PSMA3: variants seen among roughly 807,000 people sequenced by gnomAD.
PSMA3 encodes proteasome 20S subunit alpha 3.
Under a neutral mutation model 40.0 loss-of-function variants are expected in PSMA3, and 8 were observed. The ratio of observed to expected loss-of-function variants is 0.20; its 90% CI spans 0.12 to 0.36. The LOEUF (loss-of-function observed/expected upper bound fraction) is 0.36, where lower values mean the gene tolerates loss of function less well. Among genes scored for constraint, PSMA3 ranks in the 10% least tolerant of loss-of-function variants. PSMA3 has a pLI of 1.00. For missense variants in PSMA3, 219 were observed against 310.6 expected, an observed-to-expected ratio of 0.70 and a Z score of 2.22; for synonymous variants, 110 against 100.0, an observed-to-expected ratio of 1.10 and a Z score of -0.59.
chr14:58,248,229 T>C (rs1889921111), intron 2 of PSMA3, among the ~76,000 whole-genome samples: 1 of 151,920 alleles, frequency 6.6e-6, no homozygotes, highest in Admixed American at 6.6e-5. Context: ...AGATTTTTTC[T>C]ATGTCTGTTT....
Position 58,269,678 on chromosome 14 carries a change from CGCCTCT to C in PSMA3, c.591-734_591-729del, listed in dbSNP as rs1468197609. ...CGAACTCCTGACCTCATGATCCACCCGCCTCTGCCTCCCCAAAGTGCTAGGATTACA... is the reference window on the plus strand; with the variant it reads ...CGAACTCCTGACCTCATGATCCACCCGCCTCCCCAAAGTGCTAGGATTACA... On this transcript the variant is annotated intron_variant, in intron 8 of 10. Coordinates refer to ENST00000216455, the MANE Select transcript of PSMA3 (RefSeq NM_002788.4). 4 of 151,744 alleles carry C rather than the reference CGCCTCT, an allele frequency of 2.6e-5. No homozygotes were observed. In the East Asian group the frequency reaches 7.8e-4, roughly 29 times the overall value. The allele number at this position is 151,744 out of a possible 1,614,324, so 9.4% of individuals were successfully genotyped here.
At chr14:58,270,113 T>C (rs904707305) in intron 8 of PSMA3, 6 of 226,464 alleles carry the variant, frequency 2.6e-5, no homozygotes, top group Non-Finnish European at 4.3e-5. Flanking sequence ...CCCAAAGTGT[T>C]GGGATTACAG....
chr14:58,259,869 AGAT>A (rs1014784778), intron 5 of PSMA3, among the ~76,000 whole-genome samples: 5 of 152,084 alleles, frequency 3.3e-5, no homozygotes, highest in African/African-American at 1.2e-4. Flanking sequence ...TGAGGTTTAG[AGAT>A]GATACTGATG....
At chr14:58,258,521 T>A (rs1309221645) in intron 5 of PSMA3, 1 of 144,444 alleles carries the variant, frequency 6.9e-6, no homozygotes, top group African/African-American at 2.6e-5. Flanking sequence ...AAGGAACTGA[T>A]AACAATGACT....
intron 3 of PSMA3, among the ~76,000 whole-genome samples, chr14:58,254,340 A>ATATACATATATATATATATGTATG: frequency 2.9e-5 from 1 of 34,780 alleles, no homozygotes; most frequent in Non-Finnish European, 6.0e-5. Context: ...ATGCATATAT[A>ATATACATATATATATATATGTATG]TATGTATGTA....
At chr14:58,256,446 G>GCT (rs1406643216) in intron 3 of PSMA3, among the ~76,000 whole-genome samples, 1 of 135,804 alleles carries the variant, frequency 7.4e-6, no homozygotes, top group Non-Finnish European at 1.6e-5. Flanking sequence ...ATGGAGTCTC[G>GCT]CTCTGTTGCC....
intron 3 of PSMA3, 59 bp from the exon 4 acceptor site, chr14:58,257,686 G>A (rs1890176248): frequency 7.1e-7 from 1 of 1,411,762 alleles, no homozygotes; most frequent in Admixed American, 1.8e-5. Context: ...TTTATTAATT[G>A]CAGACTTTGA....
chr14:58,255,368 C>T (rs1890119475), intron 3 of PSMA3, among the ~76,000 whole-genome samples: 1 of 152,084 alleles, frequency 6.6e-6, no homozygotes. Flanking sequence ...TTCACAGCAA[C>T]CACTAACAGC....
At chr14:58,260,566 T>A (rs975438704) in intron 5 of PSMA3, among the ~76,000 whole-genome samples, 9 of 152,176 alleles carry the variant, frequency 5.9e-5, no homozygotes, top group Non-Finnish European at 1.0e-4. Flanking sequence ...GAATGAAGGG[T>A]GGAAAGAATT....
intron 1 of PSMA3, among the ~76,000 whole-genome samples, chr14:58,246,298 A>C (rs1050493212): frequency 2.6e-5 from 4 of 152,220 alleles, no homozygotes; most frequent in African/African-American, 4.8e-5. Context: ...CATCTACTAC[A>C]GTCTTCAGCT....
At chr14:58,263,655 C>G in intron 6 of PSMA3, 50 bp from the exon 7 acceptor site, 1 of 1,405,308 alleles carries the variant, frequency 7.1e-7, no homozygotes. Flanking sequence ...TCATTAATTA[C>G]ATATGATAGT....
Position 58,270,992 on chromosome 14 carries a change from T to C in PSMA3, c.717T>C (p.Tyr239=). 2 of 1,606,730 alleles carry C rather than the reference T, an allele frequency of 1.2e-6. No homozygotes were observed. The highest frequency in any genetic ancestry group is 1.7e-6 in the Non-Finnish European group (2 of 1,175,428). ...PKDIREEAEK[Y]AKESLKEEDE... is the part of the protein sequence containing the mutation. ...ATATAAGAGAAGAAGCAGAGAAATA[T>C]GCTAAGGTAAGCCACAGCACAAAAA... The change falls in exon 10 of 11, where the codon TAT becomes TAC. Residue 239 remains tyrosine, a synonymous_variant. Coordinates refer to ENST00000216455, the MANE Select transcript of PSMA3 (RefSeq NM_002788.4).
chr14:58,259,287 A>G (rs1001555352), intron 5 of PSMA3, among the ~76,000 whole-genome samples: 1 of 152,048 alleles, frequency 6.6e-6, no homozygotes, highest in Non-Finnish European at 1.5e-5. Flanking sequence ...AATAGTAGAG[A>G]TAACTTTTTT....
intron 7 of PSMA3, 66 bp from the exon 8 acceptor site, chr14:58,267,408 G>T: frequency 7.2e-7 from 1 of 1,395,690 alleles, no homozygotes; most frequent in South Asian, 1.9e-5. Flanking sequence ...GTATAAAAGT[G>T]AAAATAGTTA....
chr14:58,253,318 ATGCAC>A (rs1221502558), intron 3 of PSMA3, among the ~76,000 whole-genome samples: 3 of 152,076 alleles, frequency 2.0e-5, no homozygotes, highest in African/African-American at 7.2e-5. Flanking sequence ...GAAAAAACAG[ATGCAC>A]AGCAAGTAAA....
At chr14:58,246,571 G>C (rs1889885795) in intron 1 of PSMA3, among the ~76,000 whole-genome samples, 1 of 151,978 alleles carries the variant, frequency 6.6e-6, no homozygotes, top group Non-Finnish European at 1.5e-5. Flanking sequence ...GCTAATTTTT[G>C]TATTTTTCGT....
At chr14:58,252,761 A>G (rs1890040665) in intron 3 of PSMA3, among the ~76,000 whole-genome samples, 1 of 151,590 alleles carries the variant, frequency 6.6e-6, no homozygotes, top group Admixed American at 6.6e-5. Context: ...CATGACTGGT[A>G]TATACTAAAG....
rs574581658 is a variant in PSMA3 at position 58,267,826 on chromosome 14, T to C, written c.590+306T>C. 1.7e-3 allele frequency: 342 copies of C among 207,048 alleles called. 2 individuals are homozygous for C. The highest frequency in any genetic ancestry group is 2.5e-3 in the Non-Finnish European group (283 of 112,966). The allele number at this position is 207,048 out of a possible 1,614,324, so 12.8% of individuals were successfully genotyped here. A position where few individuals can be genotyped will look rare whatever the true frequency, so the allele number is the denominator to read the frequency against. On this transcript the variant is annotated intron_variant, in intron 8 of 10. Coordinates refer to ENST00000216455, the MANE Select transcript of PSMA3 (RefSeq NM_002788.4). ...ACTTCTCAAATCTCTTAAGTCCTAA[T>C]AATAGTAATCTTAAGATTGCCTCTA...
At chr14:58,258,275 A>C in intron 5 of PSMA3, 1 of 299,120 alleles carries the variant, frequency 3.3e-6, no homozygotes, top group South Asian at 7.1e-5. Flanking sequence ...CTATCTCTAC[A>C]AAAAAAATTT....
Sources: gnomAD v4.1 joint callset for allele counts (sites outside exome capture counted in the v4.1 genomes callset) on GRCh38, gnomAD v4.1.1 for gene constraint, MANE v1.5 for transcripts, NCBI Gene and HGNC (gene_info 2026-07-23, HGNC 2026-07-21) for gene names.